Variants in RPAP1 observed in about 807,000 individuals in gnomAD.
RPAP1 encodes RNA polymerase II associated protein 1, also known as RNA polymerase II-associated protein 1.
RPAP1 carries 109 observed loss-of-function variants against 142.4 expected under a neutral mutation model. The ratio of observed to expected loss-of-function variants is 0.77; its 90% CI spans 0.66 to 0.90. RPAP1 has a LOEUF of 0.90. Among genes scored for constraint, RPAP1 ranks in the 40% least tolerant of loss-of-function variants. The pLI is 0.00. For synonymous variants in RPAP1, 704 were observed against 738.9 expected (o/e 0.95, Z 0.77); for missense variants, 1,546 against 1,751.7 (o/e 0.88, Z 2.10).
chr15:41,524,845 G>T, intron 15 of RPAP1, 146 bp downstream of exon 15: 2 of 783,090 alleles, frequency 2.6e-6, no homozygotes, highest in Non-Finnish European at 2.0e-6. Flanking sequence ...TGACTCCTAA[G>T]CCTTTTCACA....
chr15:41,523,353 G>A lies in RPAP1; in HGVS notation c.2438C>T (p.Pro813Leu), dbSNP rs1427315930. ...GAGCCAATCCTCCGGGCATGAGCTT[G>A]GCTGGTGGACCAAGGAATTCACTGA... ...GAYYQAWSQQ[P>L]SSCPEDWLQD... Residue 813 changes from proline to leucine, a missense_variant and splice_region_variant, in exon 18 of 25, where the codon CCA becomes CTA. Physicochemically the swap from Pro to Leu is moderately conservative, Grantham distance 98. Coordinates refer to ENST00000304330, the MANE Select transcript of RPAP1 (RefSeq NM_015540.4). 1.9e-6 allele frequency: 3 copies of A among 1,590,950 alleles called. No individual in the cohort carries two copies. The South Asian group carries it at 3.4e-5, about 18-fold the overall frequency.
At chr15:41,536,803 C>G (rs1030810726) in intron 2 of RPAP1, 142 bp downstream of exon 2, 31 of 1,379,414 alleles carry the variant, frequency 2.2e-5, no homozygotes, top group Admixed American at 8.6e-5. Flanking sequence ...TTTTCTTCCT[C>G]TGTAAAATGG....
In RPAP1 at chr15:41,536,182, C is replaced by G. The variant is rs368467030; in HGVS notation, c.367G>C (p.Val123Leu). 1.9e-6 allele frequency: 3 copies of G among 1,614,068 alleles called. No homozygotes were observed. In the African/African-American group the frequency reaches 4.0e-5, roughly 22 times the overall value. ...GCAGGGAAAGCAACACCACTGGGCA[C>G]AGGCAGATTCACGGCCACTGAACTT... ...DTSSVAVNLP[V>L]PSGVAFPAVF... The change falls in exon 4 of 25, where the codon GTG (valine) becomes CTG (leucine). Residue 123 changes from valine to leucine, a missense_variant. Physicochemically the swap from Val to Leu is conservative, Grantham distance 32. Around this residue, in one of 3 missense-constraint regions of RPAP1, gnomAD observed 1,333 missense variants for 1,486.6 expected, o/e 0.90. Transcript: ENST00000304330.
rs1566885964 is a variant in RPAP1 at position 41,526,975 on chromosome 15, A to G, written c.1840T>C (p.Tyr614His). Residue 614 changes from tyrosine (Y) to histidine (H), a missense_variant, in exon 14 of 25, where the codon TAC (tyrosine) becomes CAC (histidine). Coordinates refer to ENST00000304330, the MANE Select transcript of RPAP1 (RefSeq NM_015540.4). ...ATGGCAGTAGCACAGGGTACTTTGTATAGACTAGGGGTAGGCCCTGCCCCC... is the reference window on the plus strand; with the variant it reads ...ATGGCAGTAGCACAGGGTACTTTGTGTAGACTAGGGGTAGGCCCTGCCCCC... Reference protein sequence around the residue: ...PVGAGPTPSLYKVPCATAMKL... With the variant: ...PVGAGPTPSLHKVPCATAMKL... 1.9e-6 allele frequency: 3 copies of G among 1,614,160 alleles called. No individual in the cohort carries two copies. Among genetic ancestry groups the G allele is most frequent in the Non-Finnish European group, 2.5e-6 (3 of 1,180,022 alleles).
At position 41,524,121 on chromosome 15, in the gene RPAP1, C is replaced by T. The variant is rs371439385; in HGVS notation, c.2209G>A (p.Gly737Ser). ...CTGATGGTTTCAGCAGGGGTACTGC[C>T]GGCTGCCAGGGTTAGCTGGGTGAGG... ...TLLTQLTLAA[G>S]STPAETISDS... Residue 737 changes from glycine to serine, a missense_variant, in exon 16 of 25, where the codon GGC (glycine) becomes AGC (serine). Physicochemically the swap from Gly to Ser is moderately conservative, Grantham distance 56. This residue lies in a region of RPAP1 where 1,333 missense variants were observed against 1,486.6 expected (regional missense o/e 0.90). Transcript: ENST00000304330. 1.5e-5 allele frequency: 24 copies of T among 1,591,058 alleles called. No individual in the cohort carries two copies. The highest frequency in any genetic ancestry group is 6.7e-5 in the African/African-American group (5 of 74,514).
At chr15:41,535,933 C>G (rs549607875) in intron 4 of RPAP1, among the ~76,000 whole-genome samples, 196 bp downstream of exon 4, 5 of 152,182 alleles carry the variant, frequency 3.3e-5, no homozygotes, top group South Asian at 4.2e-4. Context: ...CTCCTCATCC[C>G]CAAGGTATCA....
chr15:41,524,785 G>C (rs561268314), intron 15 of RPAP1, among the ~76,000 whole-genome samples: 1 of 152,236 alleles, frequency 6.6e-6, no homozygotes, highest in South Asian at 2.1e-4. Context: ...ATGATTTTGA[G>C]CATAGAATAC....
At chr15:41,522,416 G>T (rs1017678814) in intron 19 of RPAP1, 166 bp from the exon 20 acceptor site, 1 of 678,622 alleles carries the variant, frequency 1.5e-6, no homozygotes, top group Non-Finnish European at 2.5e-6. Context: ...TTGAGATGGA[G>T]TTTCGCTCTT....
chr15:41,530,790 CCT>C (rs2051839001), intron 7 of RPAP1, among the ~76,000 whole-genome samples: 1 of 152,112 alleles, frequency 6.6e-6, no homozygotes, highest in Admixed American at 6.6e-5. Flanking sequence ...CGCATTGCTG[CCT>C]CTTAAAAGGG....
intron 15 of RPAP1, 98 bp downstream of exon 15, chr15:41,524,893 C>T: frequency 1.5e-6 from 2 of 1,301,352 alleles, no homozygotes; most frequent in Non-Finnish European, 2.1e-6. Flanking sequence ...TATCCTTCCT[C>T]CAAGCTTGGG....
At chr15:41,535,835 C>T (rs927324610) in intron 4 of RPAP1, among the ~76,000 whole-genome samples, 6 of 152,188 alleles carry the variant, frequency 3.9e-5, no homozygotes, top group African/African-American at 1.4e-4. Flanking sequence ...GAAGTTCTGG[C>T]TCTTCTACCT....
chr15:41,521,970 G>A, intron 20 of RPAP1, 90 bp from the exon 21 acceptor site: 2 of 1,565,350 alleles, frequency 1.3e-6, no homozygotes, highest in East Asian at 4.5e-5. Flanking sequence ...GAGGCTGAAG[G>A]GCAGAGGTCC....
rs1595478222 is a variant in RPAP1 at position 41,517,236 on chromosome 15, C to G, written c.*306G>C. 1 of 256,392 alleles carries G rather than the reference C, an allele frequency of 3.9e-6. No homozygotes were observed. Among genetic ancestry groups the G allele is most frequent in the African/African-American group, 2.2e-5 (1 of 45,122 alleles). 15.9% of individuals were successfully genotyped at this position (256,392 alleles called of 1,614,324 possible). A position where few individuals can be genotyped will look rare whatever the true frequency, so the allele number is the denominator to read the frequency against. On this transcript the variant is annotated 3_prime_UTR_variant, in exon 25 of 25. Coordinates refer to ENST00000304330, the MANE Select transcript of RPAP1 (RefSeq NM_015540.4). ...AACTATAGCATTCATATGCCTCAGC[C>G]CAGGGCAGGGGTTGGGAGTTAGGTA...
At chr15:41,522,274 G>T (rs2051734550) in intron 19 of RPAP1, 24 bp from the exon 20 acceptor site, 2 of 1,608,586 alleles carry the variant, frequency 1.2e-6, no homozygotes, top group African/African-American at 2.7e-5. Flanking sequence ...ATTTTGTTCA[G>T]ATCTAGAAAT....
chr15:41,531,628 T>TATATATATATATATATATATATA (rs1221224553), intron 6 of RPAP1, among the ~76,000 whole-genome samples: 1 of 20,536 alleles, frequency 4.9e-5, no homozygotes, highest in African/African-American at 1.7e-4. Flanking sequence ...TATATATATA[T>TATATATATATATATATATATATA]TTTTTTTTTT....
intron 1 of RPAP1, among the ~76,000 whole-genome samples, chr15:41,540,571 G>T (rs989066396): frequency 1.3e-5 from 2 of 152,206 alleles, no homozygotes; most frequent in Admixed American, 1.3e-4. Context: ...AAAGTGCTGG[G>T]ATTACAGGCG....
chr15:41,542,735 T>C (rs909278094), intron 1 of RPAP1, among the ~76,000 whole-genome samples: 1 of 152,198 alleles, frequency 6.6e-6, no homozygotes, highest in Non-Finnish European at 1.5e-5. Context: ...TGTACCTACC[T>C]CCTGAATTAA....
In RPAP1 at chr15:41,537,153, C is replaced by T. The variant is rs112599414; in HGVS notation, c.-28G>A. ...TGCTGCTCCAGCTGCCTCCCCAGTA[C>T]GACTCTCTCCAGCAGTGTCTCCGTG... is the stretch of plus-strand genomic sequence containing the variant. On this transcript the variant is annotated 5_prime_UTR_variant, in exon 2 of 25. Transcript: ENST00000304330. 18,484 of 1,604,778 alleles carry T rather than the reference C, an allele frequency of 0.012. 332 individuals carry two copies. The highest frequency in any genetic ancestry group is 0.06 in the South Asian group (5,420 of 90,024).
chr15:41,531,616 TATATATATA>T (rs2051849196), intron 6 of RPAP1, among the ~76,000 whole-genome samples: 1 of 24,252 alleles, frequency 4.1e-5, no homozygotes, highest in Non-Finnish European at 6.9e-5. Context: ...TATATATATA[TATATATATA>T]TATTTTTTTT....
Sources: gnomAD v4.1 joint callset for allele counts (sites outside exome capture counted in the v4.1 genomes callset) on GRCh38, gnomAD v4.1.1 for gene constraint, gnomAD v4.1.1 regional missense constraint, MANE v1.5 for transcripts, NCBI Gene and HGNC (gene_info 2026-07-23, HGNC 2026-07-21) for gene names.